Variants in C1QTNF3 observed in about 807,000 individuals in gnomAD.
The protein encoded by C1QTNF3 is complement C1q tumor necrosis factor-related protein 3.
In C1QTNF3, 26 loss-of-function variants were observed where a neutral mutation model predicts 32.6. The observed-to-expected ratio is 0.80, with a 90% CI of 0.58 to 1.11. The LOEUF is 1.11. Among genes scored for constraint, C1QTNF3 ranks in the 50% least tolerant of loss-of-function variants. The probability of loss-of-function intolerance (pLI) is 0.00; values close to 1 mark genes in which losing one functional copy is unlikely to be tolerated. For synonymous variants in C1QTNF3, 155 were observed against 146.0 expected, an observed-to-expected ratio of 1.06 and a Z score of -0.44; for missense variants, 362 against 398.2, an observed-to-expected ratio of 0.91 and a Z score of 0.77.
At chr5:34,133,322 G>T in the C1QTNF3 span, among the ~76,000 whole-genome samples, 2,075 of 152,190 alleles carry the variant, frequency 0.014, 51 homozygotes, top group African/African-American at 0.049. Flanking sequence ...TAGCTTGTGG[G>T]TTTAGCTGCA....
the C1QTNF3 span, among the ~76,000 whole-genome samples, chr5:34,057,689 G>A: frequency 2.6e-5 from 4 of 152,164 alleles, no homozygotes; most frequent in Admixed American, 2.6e-4. Flanking sequence ...TTGGTGACTA[G>A]GGTAAGTTTC....
Position 34,035,722 on chromosome 5 carries a change from T to G in C1QTNF3, c.340A>C (p.Lys114Gln). Residue 114 changes from lysine to glutamine, a missense_variant, in exon 2 of 6, where the codon AAG becomes CAG. By Grantham distance (53) the Lys-to-Gln change is moderately conservative (BLOSUM62 1). Coordinates refer to ENST00000382065, the MANE Select transcript of C1QTNF3 (RefSeq NM_181435.6). ...AAGCTGTAGTCTCCATGACAACACT[T>G]ACTGCAGTCTGGGGGTAGTCCTCCG... ...QTGGLPPDCS[K>Q]CCHGDYSFRG... The G allele has an allele frequency of 6.2e-7, 1 of 1,612,728 alleles. No individual in the cohort carries two copies. Among genetic ancestry groups the G allele is most frequent in the Non-Finnish European group, 8.5e-7 (1 of 1,179,724 alleles).
chr5:34,156,263 G>A, the C1QTNF3 span, among the ~76,000 whole-genome samples: 1 of 152,006 alleles, frequency 6.6e-6, no homozygotes, highest in African/African-American at 2.4e-5. Context: ...TAGAGATGGG[G>A]TTTCGCCATG....
chr5:34,087,239 T>C, the C1QTNF3 span, among the ~76,000 whole-genome samples: 2 of 149,854 alleles, frequency 1.3e-5, no homozygotes, highest in African/African-American at 4.9e-5. Context: ...TGAAACCACA[T>C]ACTATATCTC....
chr5:34,212,265 A>G, the C1QTNF3 span, among the ~76,000 whole-genome samples: 1 of 152,092 alleles, frequency 6.6e-6, no homozygotes, highest in Non-Finnish European at 1.5e-5. Context: ...AAGATGGATT[A>G]AAGACTTAAA....
the C1QTNF3 span, among the ~76,000 whole-genome samples, chr5:34,122,949 C>G: frequency 6.7e-6 from 1 of 149,700 alleles, no homozygotes. Context: ...GAGACCACCA[C>G]TGATTATAAC....
the C1QTNF3 span, among the ~76,000 whole-genome samples, chr5:34,127,282 G>A: frequency 1.3e-5 from 2 of 152,028 alleles, no homozygotes; most frequent in Non-Finnish European, 2.9e-5. Context: ...AGAAGAAGAC[G>A]GGAAGATATG....
chr5:34,178,408 G>T, the C1QTNF3 span, among the ~76,000 whole-genome samples: 1 of 152,178 alleles, frequency 6.6e-6, no homozygotes, highest in African/African-American at 2.4e-5. Context: ...AAATTTAAGG[G>T]TGCAAACAGA....
the C1QTNF3 span, among the ~76,000 whole-genome samples, chr5:34,112,497 CAAA>C: frequency 9.8e-5 from 13 of 132,794 alleles, no homozygotes; most frequent in Admixed American, 1.5e-4. Context: ...CCATCTCTAC[CAAA>C]AAAAAAAAAA....
At chr5:34,026,469 AAAAAG>A (rs1176667070) in intron 4 of C1QTNF3, among the ~76,000 whole-genome samples, 2 of 143,074 alleles carry the variant, frequency 1.4e-5, no homozygotes, top group Non-Finnish European at 1.5e-5. Flanking sequence ...AAAAAAAAAA[AAAAAG>A]AAAAGAAAAG....
At chr5:34,140,135 T>C in the C1QTNF3 span, among the ~76,000 whole-genome samples, 2 of 152,132 alleles carry the variant, frequency 1.3e-5, no homozygotes, top group Admixed American at 6.5e-5. Context: ...GTTGAAGATT[T>C]GAGGAGCTTT....
chr5:34,164,892 T>G, the C1QTNF3 span: 1 of 151,680 alleles, frequency 6.6e-6, no homozygotes, highest in East Asian at 1.9e-4. Context: ...TTCCTCCAGG[T>G]ACTCACTTCA....
upstream of C1QTNF3, among the ~76,000 whole-genome samples, chr5:34,044,486 G>A (rs1051116982): frequency 6.6e-6 from 1 of 152,156 alleles, no homozygotes; most frequent in African/African-American, 2.4e-5. Flanking sequence ...GAGCAGCTGG[G>A]GAAAGGGGAG....
chr5:34,162,806 T>C, the C1QTNF3 span, among the ~76,000 whole-genome samples: 10 of 152,318 alleles, frequency 6.6e-5, no homozygotes, highest in Admixed American at 1.3e-4. Flanking sequence ...TAAATACTTA[T>C]GGGTAGTTGG....
chr5:34,062,140 C>T, the C1QTNF3 span, among the ~76,000 whole-genome samples: 2 of 152,320 alleles, frequency 1.3e-5, no homozygotes, highest in East Asian at 3.9e-4. Flanking sequence ...CCACCAGTCT[C>T]TTTGCTAATA....
chr5:34,032,311 A>AAGAG (rs1579604875), intron 3 of C1QTNF3, among the ~76,000 whole-genome samples: 2 of 152,224 alleles, frequency 1.3e-5, no homozygotes, highest in Non-Finnish European at 2.9e-5. Flanking sequence ...GATCATTTAA[A>AAGAG]AGAGAGAGAA....
the C1QTNF3 span, among the ~76,000 whole-genome samples, chr5:34,174,771 T>A: frequency 1.7e-4 from 26 of 152,156 alleles, no homozygotes; most frequent in Non-Finnish European, 3.5e-4. Flanking sequence ...AGAAGCAGTC[T>A]CACTGTCGCC....
At chr5:34,060,833 A>G in the C1QTNF3 span, among the ~76,000 whole-genome samples, 1 of 152,186 alleles carries the variant, frequency 6.6e-6, no homozygotes, top group African/African-American at 2.4e-5. Flanking sequence ...GTGGGAACAC[A>G]GCCAAGCCAT....
chr5:34,062,622 T>G, the C1QTNF3 span, among the ~76,000 whole-genome samples: 2 of 152,302 alleles, frequency 1.3e-5, no homozygotes, highest in Middle Eastern at 6.8e-3. Flanking sequence ...ATTCTCCCTA[T>G]CATTACTGAA....
Sources: gnomAD v4.1 joint callset for allele counts (sites outside exome capture counted in the v4.1 genomes callset) on GRCh38, gnomAD v4.1.1 for gene constraint, MANE v1.5 for transcripts, NCBI Gene and HGNC (gene_info 2026-07-23, HGNC 2026-07-21) for gene names.